DCC: variants seen among roughly 807,000 people sequenced by gnomAD.
The protein encoded by DCC is DCC netrin 1 receptor.
A neutral mutation model predicts 172.5 loss-of-function variants in DCC; 58 were observed. That is an observed-to-expected ratio of 0.34 (90% CI 0.27 to 0.42). DCC has a LOEUF of 0.42. Among genes scored for constraint, DCC ranks in the 10% least tolerant of loss-of-function variants. The probability of loss-of-function intolerance (pLI) is 1.00; values close to 1 mark genes in which losing one functional copy is unlikely to be tolerated. For missense variants in DCC, 1,740 were observed against 1,791.0 expected, an observed-to-expected ratio of 0.97 and a Z score of 0.51; for synonymous variants, 709 against 644.5, an observed-to-expected ratio of 1.10 and a Z score of -1.52.
chr18:52,968,942 C>T (rs2040978856), intron 5 of DCC, among the ~76,000 whole-genome samples: 1 of 152,050 alleles, frequency 6.6e-6, no homozygotes, highest in African/African-American at 2.4e-5. Context: ...AAATTTCCCC[C>T]TTCGGATGAG....
chr18:53,127,051 A>G (rs1416620896), intron 7 of DCC, among the ~76,000 whole-genome samples: 2 of 151,856 alleles, frequency 1.3e-5, no homozygotes, highest in Admixed American at 6.6e-5. Context: ...AACACATATT[A>G]GAGATCAGTT....
chr18:52,988,305 AT>A (rs1373191368), intron 5 of DCC, among the ~76,000 whole-genome samples: 1 of 152,092 alleles, frequency 6.6e-6, no homozygotes, highest in Non-Finnish European at 1.5e-5. Context: ...TTATACAATT[AT>A]TAAACAGAGA....
intron 1 of DCC, among the ~76,000 whole-genome samples, chr18:52,580,424 C>T (rs1170830924): frequency 6.6e-6 from 1 of 152,110 alleles, no homozygotes; most frequent in Admixed American, 6.5e-5. Context: ...TCTTTTGTCT[C>T]TGCAGAGAAG....
At chr18:52,583,022 T>A (rs1052156164) in intron 1 of DCC, among the ~76,000 whole-genome samples, 1 of 152,036 alleles carries the variant, frequency 6.6e-6, no homozygotes, top group Non-Finnish European at 1.5e-5. Flanking sequence ...AATTATAGAG[T>A]ATCTGAGAGA....
intron 3 of DCC, 106 bp downstream of exon 3, chr18:52,906,434 G>A: frequency 8.7e-7 from 1 of 1,144,108 alleles, no homozygotes; most frequent in African/African-American, 1.6e-5. Flanking sequence ...GTTCTGTATT[G>A]TTCATTGCGT....
chr18:52,926,305 C>T (rs182391261), intron 5 of DCC, among the ~76,000 whole-genome samples: 1 of 151,866 alleles, frequency 6.6e-6, no homozygotes, highest in Non-Finnish European at 1.5e-5. Context: ...TCAGAAAACA[C>T]TTTCATCTGT....
intron 15 of DCC, among the ~76,000 whole-genome samples, chr18:53,344,072 G>C (rs1223105546): frequency 6.6e-6 from 1 of 151,866 alleles, no homozygotes; most frequent in Non-Finnish European, 1.5e-5. Context: ...GTCAAAGAAA[G>C]AGCCTTTGAC....
intron 2 of DCC, among the ~76,000 whole-genome samples, chr18:52,785,484 A>G (rs9953616): frequency 0.046 from 6,936 of 152,068 alleles, 238 homozygotes; most frequent in South Asian, 0.16. Context: ...CTGTTAGAGA[A>G]TGTTGGATGA....
At chr18:53,023,082 T>C (rs1281261821) in intron 5 of DCC, among the ~76,000 whole-genome samples, 1 of 152,048 alleles carries the variant, frequency 6.6e-6, no homozygotes, top group African/African-American at 2.4e-5. Flanking sequence ...AAGAGTCCAA[T>C]TGAATTATTC....
At chr18:53,527,705 A>AAAAC (rs1220392589) in intron 28 of DCC, among the ~76,000 whole-genome samples, 2 of 152,050 alleles carry the variant, frequency 1.3e-5, no homozygotes, top group African/African-American at 4.8e-5. Flanking sequence ...TAAGAAAAAA[A>AAAAC]AAACATTTAT....
chr18:53,214,947 G>A (rs2055824280), intron 11 of DCC, among the ~76,000 whole-genome samples: 2 of 152,094 alleles, frequency 1.3e-5, no homozygotes, highest in Non-Finnish European at 2.9e-5. Flanking sequence ...ACTCTACAAA[G>A]AAAAATATAC....
intron 1 of DCC, among the ~76,000 whole-genome samples, chr18:52,609,031 A>G (rs2034195373): frequency 6.6e-6 from 1 of 152,190 alleles, no homozygotes; most frequent in African/African-American, 2.4e-5. Flanking sequence ...TCAATGCAAC[A>G]TGTTTCAGTA....
chr18:53,029,224 G>C (rs1367532895), intron 5 of DCC, among the ~76,000 whole-genome samples: 5 of 152,168 alleles, frequency 3.3e-5, no homozygotes, highest in East Asian at 1.9e-4. Flanking sequence ...GAAAATATTA[G>C]TAGTTGGTTG....
In DCC at chr18:52,900,739, TTG is replaced by T. The variant is rs149776044; in HGVS notation, c.413-5300_413-5299del. 1.6e-3 allele frequency among the ~76,000 whole-genome samples: 241 copies of T among 152,364 alleles called. 3 individuals are homozygous for T. Among genetic ancestry groups the T allele is most frequent in the African/African-American group, 5.4e-3 (223 of 41,590 alleles). Reference sequence around the variant, plus strand: ...ATAATGTGGAAATCTGTAAGTTGGCTTGTGTGGGACACTTCCAACAACACCAG... The same window carrying T: ...ATAATGTGGAAATCTGTAAGTTGGCTTGTGGGACACTTCCAACAACACCAG... On this transcript the variant is annotated intron_variant, in intron 2 of 28. Coordinates refer to ENST00000442544, the MANE Select transcript of DCC (RefSeq NM_005215.4).
At chr18:53,468,610 T>G (rs2045656375) in intron 25 of DCC, among the ~76,000 whole-genome samples, 1 of 152,106 alleles carries the variant, frequency 6.6e-6, no homozygotes. Flanking sequence ...CTCTAGCTCC[T>G]GACCTCATGT....
intron 20 of DCC, among the ~76,000 whole-genome samples, chr18:53,414,163 G>C (rs1910157763): frequency 6.6e-6 from 1 of 152,158 alleles, no homozygotes; most frequent in African/African-American, 2.4e-5. Flanking sequence ...ATCTTGACAA[G>C]GTACAAGATT....
intron 1 of DCC, among the ~76,000 whole-genome samples, chr18:52,615,615 C>A (rs553644275): frequency 1.3e-5 from 2 of 152,280 alleles, no homozygotes; most frequent in African/African-American, 4.8e-5. Context: ...CTCTTCACTG[C>A]TGTTCCTCAG....
intron 1 of DCC, among the ~76,000 whole-genome samples, chr18:52,719,776 C>T (rs747802540): frequency 1.3e-5 from 2 of 152,210 alleles, no homozygotes; most frequent in South Asian, 2.1e-4. Flanking sequence ...AGGAGTTAGC[C>T]AGGTACCGAC....
At chr18:53,064,342 G>A (rs920136167) in intron 6 of DCC, among the ~76,000 whole-genome samples, 7 of 152,144 alleles carry the variant, frequency 4.6e-5, no homozygotes, top group Non-Finnish European at 7.3e-5. Context: ...ATATGAGAGC[G>A]ATGTAAAGTT....
Sources: allele counts gnomAD v4.1 joint callset (sites outside exome capture counted in the v4.1 genomes callset), GRCh38; gene constraint gnomAD v4.1.1; transcripts MANE v1.5; gene names NCBI Gene and HGNC (gene_info 2026-07-23, HGNC 2026-07-21).